Variants in NALCN observed in about 807,000 individuals in gnomAD.
The protein encoded by NALCN is sodium leak channel, non-selective.
NALCN carries 111 observed loss-of-function variants against 225.3 expected under a neutral mutation model. The ratio of observed to expected loss-of-function variants is 0.49; its 90% CI spans 0.42 to 0.58. NALCN has a LOEUF of 0.58. Among genes scored for constraint, NALCN ranks in the 20% least tolerant of loss-of-function variants. The pLI, the probability that NALCN is intolerant of heterozygous loss-of-function variation, is 0.00. For missense variants in NALCN, 1,378 were observed against 2,202.4 expected (o/e 0.63, Z 7.49); for synonymous variants, 764 against 769.0 (o/e 0.99, Z 0.11).
chr13:101,283,929 G>A lies in NALCN; in HGVS notation c.1134+4C>T. Reference sequence around the variant, plus strand: ...CGATTTTTAAAAATGTCATTGTACTGCACCTGGAGGCAGGCTGGGGCGCGT... The same window carrying A: ...CGATTTTTAAAAATGTCATTGTACTACACCTGGAGGCAGGCTGGGGCGCGT... On this transcript the variant is annotated splice_donor_region_variant and intron_variant, in intron 10 of 43. Transcript: ENST00000251127. 1 of 1,609,506 alleles carries A rather than the reference G, an allele frequency of 6.2e-7. No individual in the cohort carries two copies. Among genetic ancestry groups the A allele is most frequent in the Non-Finnish European group, 8.5e-7 (1 of 1,178,592 alleles).
At chr13:101,291,724 T>G (rs894012993) in intron 9 of NALCN, among the ~76,000 whole-genome samples, 1 of 151,998 alleles carries the variant, frequency 6.6e-6, no homozygotes, top group Non-Finnish European at 1.5e-5. Context: ...ATTTTTAAAA[T>G]TTTTTTGTAG....
At chr13:101,274,724 T>G (rs934642978) in intron 10 of NALCN, among the ~76,000 whole-genome samples, 4 of 152,236 alleles carry the variant, frequency 2.6e-5, no homozygotes, top group Non-Finnish European at 4.4e-5. Context: ...GTGGTGTTTC[T>G]CTAAAGAAAC....
intron 15 of NALCN, among the ~76,000 whole-genome samples, chr13:101,145,329 G>C (rs946952046): frequency 1.3e-5 from 2 of 152,198 alleles, no homozygotes; most frequent in Non-Finnish European, 2.9e-5. Context: ...ATACTAAGTA[G>C]TAGCATTTGT....
At chr13:101,137,752 T>C (rs1306126180) in intron 17 of NALCN, among the ~76,000 whole-genome samples, 5 of 152,248 alleles carry the variant, frequency 3.3e-5, no homozygotes, top group Non-Finnish European at 7.3e-5. Context: ...TCTTTTGTCC[T>C]AACTGATGAA....
intron 28 of NALCN, among the ~76,000 whole-genome samples, chr13:101,093,291 A>T (rs970742992): frequency 5.9e-5 from 9 of 152,240 alleles, no homozygotes; most frequent in Non-Finnish European, 1.2e-4. Context: ...CCTAATTATA[A>T]TTACCAAAGC....
chr13:101,232,725 T>C (rs1386968862), intron 12 of NALCN, among the ~76,000 whole-genome samples: 2 of 152,108 alleles, frequency 1.3e-5, no homozygotes, highest in African/African-American at 2.4e-5. Context: ...GGATTACAGG[T>C]GTGAGCCACT....
intron 6 of NALCN, among the ~76,000 whole-genome samples, chr13:101,354,787 T>C (rs2046001698): frequency 6.6e-6 from 1 of 152,228 alleles, no homozygotes; most frequent in Non-Finnish European, 1.5e-5. Context: ...GTTGTATGGC[T>C]GGAGAGAGGC....
intron 42 of NALCN, 30 bp downstream of exon 42, chr13:101,059,788 C>T: frequency 6.2e-7 from 1 of 1,611,218 alleles, no homozygotes; most frequent in Non-Finnish European, 8.5e-7. Flanking sequence ...CACAGAGTGT[C>T]CTGGGACAGA....
intron 10 of NALCN, among the ~76,000 whole-genome samples, chr13:101,276,914 G>A (rs556250986): frequency 6.6e-6 from 1 of 152,166 alleles, no homozygotes; most frequent in Non-Finnish European, 1.5e-5. Flanking sequence ...CAGAATCACT[G>A]CCCATTGAAA....
At chr13:101,098,683 C>A (rs998260348) in intron 27 of NALCN, among the ~76,000 whole-genome samples, 1 of 152,070 alleles carries the variant, frequency 6.6e-6, no homozygotes, top group Non-Finnish European at 1.5e-5. Flanking sequence ...ATCTACTTTC[C>A]CCCTTTCTTT....
At chr13:101,239,217 TA>T (rs2041672497) in intron 11 of NALCN, among the ~76,000 whole-genome samples, 1 of 151,958 alleles carries the variant, frequency 6.6e-6, no homozygotes, top group Admixed American at 6.6e-5. Context: ...ACATGAGATG[TA>T]AAAACAATTG....
At position 101,116,970 on chromosome 13, in the gene NALCN, G is replaced by A. The variant is rs534179438; in HGVS notation, c.2193-5744C>T. ...ATCTTCCCAAGTAGAGACAACAGCG[G>A]ATGCTAATGGGTGAGCTCGTCGGTA... On this transcript the variant is annotated intron_variant, in intron 18 of 43. Transcript: ENST00000251127. The A allele has an allele frequency of 2.7e-5, 14 of 516,560 alleles. No homozygotes were observed. The Admixed American group carries it at 2.7e-4, about 10-fold the overall frequency. 32.0% of individuals were successfully genotyped at this position (516,560 alleles called of 1,614,324 possible). A position where few individuals can be genotyped will look rare whatever the true frequency, so the allele number is the denominator to read the frequency against.
At chr13:101,097,021 G>A (rs2034546264) in intron 27 of NALCN, among the ~76,000 whole-genome samples, 1 of 152,136 alleles carries the variant, frequency 6.6e-6, no homozygotes, top group African/African-American at 2.4e-5. Flanking sequence ...CAGAAGCCCA[G>A]CATCAAGCTT....
intron 15 of NALCN, among the ~76,000 whole-genome samples, chr13:101,169,484 T>G (rs1426566330): frequency 6.6e-6 from 1 of 152,182 alleles, no homozygotes; most frequent in Non-Finnish European, 1.5e-5. Context: ...TCACACAACC[T>G]TTCTCGCCTC....
At chr13:101,270,657 G>A (rs534147445) in intron 10 of NALCN, among the ~76,000 whole-genome samples, 2 of 152,318 alleles carry the variant, frequency 1.3e-5, no homozygotes, top group Admixed American at 1.3e-4. Context: ...GGACTGAACT[G>A]CCTGATACAC....
chr13:101,326,631 T>C (rs2044960980), intron 7 of NALCN, among the ~76,000 whole-genome samples: 1 of 152,218 alleles, frequency 6.6e-6, no homozygotes, highest in Non-Finnish European at 1.5e-5. Flanking sequence ...GTTTAGGTAG[T>C]TGCTTAATGT....
In NALCN at chr13:101,123,927, G is replaced by A. The variant is rs1057235961; in HGVS notation, c.2192+681C>T. 6.6e-5 allele frequency among the ~76,000 whole-genome samples: 10 copies of A among 152,246 alleles called. 1 individual carries two copies. Among genetic ancestry groups the A allele is most frequent in the South Asian group, 4.1e-4 (2 of 4,822 alleles). On this transcript the variant is annotated intron_variant, in intron 18 of 43. Coordinates refer to ENST00000251127, the MANE Select transcript of NALCN (RefSeq NM_052867.4). ...CTTCCTGGCATGAATCTGTCCACTC[G>A]CCTTGCGAGCGATCCTACCTCCAGC...
chr13:101,332,366 C>T (rs1372940557), intron 7 of NALCN, among the ~76,000 whole-genome samples: 7 of 61,538 alleles, frequency 1.1e-4, no homozygotes, highest in Non-Finnish European at 1.7e-4. Context: ...CAGAGAAAAA[C>T]GATGTTAAAA....
At chr13:101,254,434 G>C (rs190102120) in intron 11 of NALCN, among the ~76,000 whole-genome samples, 6 of 150,858 alleles carry the variant, frequency 4.0e-5, no homozygotes, top group African/African-American at 1.5e-4. Flanking sequence ...AACCTAGAGT[G>C]GAACAAATTC....
Sources: allele counts gnomAD v4.1 joint callset (sites outside exome capture counted in the v4.1 genomes callset), GRCh38; gene constraint gnomAD v4.1.1; transcripts MANE v1.5; gene names NCBI Gene and HGNC (gene_info 2026-07-23, HGNC 2026-07-21).